The following TRPV4 variants were observed in gnomAD, a reference collection of about 807,000 sequenced individuals.
TRPV4 encodes OSM9-like transient receptor potential channel 4.
A neutral mutation model predicts 84.1 loss-of-function variants in TRPV4; 58 were observed. The ratio of observed to expected loss-of-function variants is 0.69; its 90% CI spans 0.56 to 0.86. The LOEUF (loss-of-function observed/expected upper bound fraction) is 0.86. TRPV4 is among the 40% of genes least tolerant of loss of function. The pLI is 0.00. For synonymous variants in TRPV4, 489 were observed against 500.9 expected, an observed-to-expected ratio of 0.98 and a Z score of 0.32; for missense variants, 879 against 1,181.1, an observed-to-expected ratio of 0.74 and a Z score of 3.75.
intron 2 of TRPV4, among the ~76,000 whole-genome samples, chr12:109,808,890 A>G (rs930646126): frequency 6.8e-5 from 10 of 146,666 alleles, no homozygotes; most frequent in Admixed American, 5.4e-4. Context: ...TCCAACCATC[A>G]CTCATCCATC....
At chr12:109,811,293 A>C (rs2136633659) in intron 2 of TRPV4, among the ~76,000 whole-genome samples, 1 of 152,308 alleles carries the variant, frequency 6.6e-6, no homozygotes, top group South Asian at 2.1e-4. Context: ...CCTGAGTAGA[A>C]GTGGATCTGG....
intron 1 of TRPV4, among the ~76,000 whole-genome samples, chr12:109,817,189 G>A (rs1891892096): frequency 6.6e-6 from 1 of 152,110 alleles, no homozygotes; most frequent in Admixed American, 6.5e-5. Context: ...GGGGGCCAGG[G>A]GGTTGCTGAG....
At chr12:109,788,342 T>C (rs1592819887) in intron 13 of TRPV4, 58 bp downstream of exon 13, 1 of 1,539,108 alleles carries the variant, frequency 6.5e-7, no homozygotes, top group African/African-American at 1.4e-5. Context: ...GTCGGGTGGG[T>C]CTCCTCGGAA....
intron 11 of TRPV4, 73 bp downstream of exon 11, chr12:109,792,579 A>C: frequency 1.2e-6 from 2 of 1,600,032 alleles, no homozygotes; most frequent in Non-Finnish European, 1.7e-6. Flanking sequence ...CTGCAGGTGC[A>C]TAAGTGTGCA....
At position 109,783,409 on chromosome 12, in the gene TRPV4, C is replaced by T. The variant is rs886048938; in HGVS notation, c.*212G>A. The T allele has an allele frequency of 2.2e-5, 13 of 597,002 alleles. No individual in the cohort carries two copies. Among genetic ancestry groups the T allele is most frequent in the Admixed American group, 3.2e-5 (1 of 31,604 alleles). The allele number at this position is 597,002 out of a possible 1,614,324, so 37.0% of individuals were successfully genotyped here. On this transcript the variant is annotated 3_prime_UTR_variant, in exon 16 of 16. Transcript: ENST00000261740. This position sits in a 1 kb window ranked among gnomAD's most constrained non-coding sequence, Gnocchi z 4.6. ...GCTCTGGCGTTGGCTTATGTGACTC[C>T]ATAGGAGCAAGACAGGTGGCCGGGA...
intron 1 of TRPV4, among the ~76,000 whole-genome samples, chr12:109,817,589 C>A (rs900877676): frequency 3.3e-5 from 5 of 152,238 alleles, no homozygotes; most frequent in African/African-American, 9.6e-5. Flanking sequence ...AACTGTCAAC[C>A]TGTATGGCTG....
intron 12 of TRPV4, among the ~76,000 whole-genome samples, chr12:109,791,732 C>T (rs1890045227): frequency 1.3e-5 from 2 of 151,826 alleles, no homozygotes. Flanking sequence ...GATCTACCCG[C>T]CTCAGCCTCC....
intron 1 of TRPV4, among the ~76,000 whole-genome samples, chr12:109,827,904 A>G (rs1892311837): frequency 6.6e-6 from 1 of 152,036 alleles, no homozygotes; most frequent in Non-Finnish European, 1.5e-5. Flanking sequence ...ATACGCACAT[A>G]CACACGCACA....
At chr12:109,803,395 T>C (rs1332432850) in intron 3 of TRPV4, among the ~76,000 whole-genome samples, 3 of 152,200 alleles carry the variant, frequency 2.0e-5, no homozygotes. Flanking sequence ...AGCCTACAGA[T>C]TGGTATTTAT....
chr12:109,787,543 G>A (rs990636386), intron 13 of TRPV4, among the ~76,000 whole-genome samples: 2 of 152,100 alleles, frequency 1.3e-5, no homozygotes, highest in African/African-American at 2.4e-5. Context: ...GGCAGAGGTT[G>A]CAGTGAGCCA....
At position 109,815,408 on chromosome 12, in the gene TRPV4, C is replaced by T. The variant is rs1944529971; in HGVS notation, c.-31-581G>A. Among the ~76,000 whole-genome samples, 1 of 152,222 alleles carries T rather than the reference C, an allele frequency of 6.6e-6. No homozygotes were observed. The highest frequency in any genetic ancestry group is 2.1e-4 in the South Asian group (1 of 4,832). On this transcript the variant is annotated intron_variant, in intron 1 of 15. Coordinates refer to ENST00000261740, the MANE Select transcript of TRPV4 (RefSeq NM_021625.5). The surrounding 1 kb of genome is among the most constrained non-coding windows in gnomAD (Gnocchi z 4.1). ...GGCTCAGAAAATCCATGTGGACTTG[C>T]TGTGTAGGCCGGCAGTCCTTTTCCT...
At chr12:109,804,186 C>T (rs952703328) in intron 3 of TRPV4, among the ~76,000 whole-genome samples, 10 of 152,200 alleles carry the variant, frequency 6.6e-5, no homozygotes, top group South Asian at 2.1e-4. Context: ...CTCTCACTAA[C>T]GCTTGCTGAT....
Position 109,793,622 on chromosome 12 carries a change from G to A in TRPV4, c.1585-22C>T, listed in dbSNP as rs767801563. ...TGATCTGGAAGACAGGAGGGGGCAC[G>A]TGAAAGGGGTGGGGCCAGCAGGAGA... On this transcript the variant is annotated intron_variant, in intron 9 of 15. Coordinates refer to ENST00000261740, the MANE Select transcript of TRPV4 (RefSeq NM_021625.5). This position sits in a 1 kb window ranked among gnomAD's most constrained non-coding sequence, Gnocchi z 4.0. 1.4e-5 allele frequency: 22 copies of A among 1,602,072 alleles called. No individual in the cohort carries two copies. Among genetic ancestry groups the A allele is most frequent in the South Asian group, 3.3e-5 (3 of 90,830 alleles).
Position 109,786,780 on chromosome 12 carries a change from A to G in TRPV4, c.2266T>C (p.Phe756Leu). 1 of 1,614,056 alleles carries G rather than the reference A, an allele frequency of 6.2e-7. No homozygotes were observed. Among genetic ancestry groups the G allele is most frequent in the Non-Finnish European group, 8.5e-7 (1 of 1,180,028 alleles). ...RSFPVFLRKAFRSGEMVTVGK... is the reference protein window; with the variant it reads ...RSFPVFLRKALRSGEMVTVGK... ...ACGGTGACCATCTCCCCAGAGCGGA[A>G]GGCCTTCCTCAGGAATACGGGGAAG... The change falls in exon 14 of 16, where the codon TTC becomes CTC. Residue 756 changes from phenylalanine to leucine, a missense_variant. Coordinates refer to ENST00000261740, the MANE Select transcript of TRPV4 (RefSeq NM_021625.5). The surrounding 1 kb of genome is among the most constrained non-coding windows in gnomAD (Gnocchi z 4.5).
chr12:109,798,734 C>T lies in TRPV4; in HGVS notation c.1032G>A (p.Lys344=), dbSNP rs779457657. Residue 344 remains lysine (K), a synonymous_variant, in exon 6 of 16, where the codon AAG becomes AAA. Transcript: ENST00000261740. This position sits in a 1 kb window ranked among gnomAD's most constrained non-coding sequence, Gnocchi z 5.0. ...ACTTGAGCAGCAGCAGGTCGTACAT[C>T]TTGGTAACAAACTTGGTGTTCTCAC... ...NTRENTKFVT[K]MYDLLLLKCA... is the part of the protein sequence containing the mutation. 5 of 1,614,048 alleles carry T rather than the reference C, an allele frequency of 3.1e-6. No homozygotes were observed. The South Asian group carries it at 5.5e-5, about 18-fold the overall frequency.
At chr12:109,800,865 T>A in intron 4 of TRPV4, 107 bp from the exon 5 acceptor site, 1 of 862,614 alleles carries the variant, frequency 1.2e-6, no homozygotes, top group Non-Finnish European at 1.9e-6. Flanking sequence ...GGGTGGGGGA[T>A]GCAGGCAGAG....
At position 109,796,556 on chromosome 12, in the gene TRPV4, A is replaced by C; in HGVS notation, c.1301T>G (p.Leu434Arg). 1 of 1,614,094 alleles carries C rather than the reference A, an allele frequency of 6.2e-7. No individual in the cohort carries two copies. Among genetic ancestry groups the C allele is most frequent in the Non-Finnish European group, 8.5e-7 (1 of 1,179,986 alleles). Residue 434 changes from leucine to arginine, a missense_variant, in exon 7 of 16, where the codon CTG becomes CGG. Coordinates refer to ENST00000261740, the MANE Select transcript of TRPV4 (RefSeq NM_021625.5). The surrounding 1 kb of genome is among the most constrained non-coding windows in gnomAD (Gnocchi z 4.2). ...LDTCGEEASV[L>R]EILVYNSKIE... ...CTTGCTGTTGTACACCAGGATCTCC[A>C]GCACGGAGGCCTCTTCCCCACACGT... is the stretch of plus-strand genomic sequence containing the variant.
chr12:109,798,546 G>C lies in TRPV4; in HGVS notation c.1152+68C>G. 6.4e-7 allele frequency: 1 copy of C among 1,568,542 alleles called. No homozygotes were observed. The highest frequency in any genetic ancestry group is 8.7e-7 in the Non-Finnish European group (1 of 1,151,900). ...GTATTAATAATGAATACCAGCAGCA[G>C]ACCCTCGTGTGTGTGTGCAGAGGGG... On this transcript the variant is annotated intron_variant, in intron 6 of 15. Transcript: ENST00000261740. This position sits in a 1 kb window ranked among gnomAD's most constrained non-coding sequence, Gnocchi z 5.0.
intron 3 of TRPV4, among the ~76,000 whole-genome samples, chr12:109,808,066 A>C (rs1338900327): frequency 2.0e-5 from 3 of 152,204 alleles, no homozygotes; most frequent in Non-Finnish European, 2.9e-5. Context: ...CTTTTCATAC[A>C]TAAGGGCTGA....
Sources: gnomAD v4.1 joint callset for allele counts (sites outside exome capture counted in the v4.1 genomes callset) on GRCh38, gnomAD v4.1.1 for gene constraint, Gnocchi (gnomAD v3.1) non-coding constraint, MANE v1.5 for transcripts, NCBI Gene and HGNC (gene_info 2026-07-23, HGNC 2026-07-21) for gene names.